The following CARS2 variants were observed in gnomAD, a reference collection of about 807,000 sequenced individuals.
CARS2 encodes probable cysteine--tRNA ligase, mitochondrial.
CARS2 carries 52 observed loss-of-function variants against 68.8 expected under a neutral mutation model. That is an observed-to-expected ratio of 0.76 (90% CI 0.61 to 0.95). The LOEUF is 0.95. Ranked by LOEUF, CARS2 falls within the 40% of genes least tolerant of loss-of-function variation. The probability of loss-of-function intolerance (pLI) is 0.00; values close to 1 mark genes in which losing one functional copy is unlikely to be tolerated. For synonymous variants in CARS2, 314 were observed against 303.6 expected (o/e 1.03, Z -0.36); for missense variants, 780 against 754.2 (o/e 1.03, Z -0.40).
At chr13:110,690,391 A>G (rs2063423577) in intron 3 of CARS2, among the ~76,000 whole-genome samples, 1 of 152,138 alleles carries the variant, frequency 6.6e-6, no homozygotes, top group South Asian at 2.1e-4. Flanking sequence ...CACAAGCATG[A>G]ACGTGGTTAT....
chr13:110,641,507 C>T lies in CARS2; in HGVS notation c.*30G>A, dbSNP rs370408198. The T allele has an allele frequency of 8.8e-5, 138 of 1,572,666 alleles. No individual in the cohort carries two copies. In the Middle Eastern group the frequency reaches 1.0e-3, roughly 11 times the overall value. On this transcript the variant is annotated 3_prime_UTR_variant, in exon 15 of 15. Coordinates refer to ENST00000257347, the MANE Select transcript of CARS2 (RefSeq NM_024537.4). Reference sequence around the variant, plus strand: ...CCTGAGAAGCATGGGTGCGTCTTGTCGTGAGCAGGTTCATGGCTGTGCTCC... The same window carrying T: ...CCTGAGAAGCATGGGTGCGTCTTGTTGTGAGCAGGTTCATGGCTGTGCTCC...
At chr13:110,666,325 C>T (rs1566681496) in intron 8 of CARS2, 1 of 985,378 alleles carries the variant, frequency 1.0e-6, no homozygotes, top group South Asian at 4.7e-5. Flanking sequence ...AGTGCTGAGC[C>T]CTCCCCAGGG....
At chr13:110,706,935 G>A (rs554905485), upstream of CARS2, among the ~76,000 whole-genome samples, 13 of 148,688 alleles carry the variant, frequency 8.7e-5, no homozygotes, top group African/African-American at 3.3e-4. Flanking sequence ...CCAATACACA[G>A]TATGCACCCT....
In CARS2 at chr13:110,670,845, T is replaced by G. The variant is rs929539347; in HGVS notation, c.786-3372A>C. ...AGATTAGACGAATGGCTAACCAGAA[T>G]AAACAGCATAGACAAGACCTTAAAT... On this transcript the variant is annotated intron_variant, in intron 7 of 14. Coordinates refer to ENST00000257347, the MANE Select transcript of CARS2 (RefSeq NM_024537.4). The surrounding 1 kb of genome is among the most constrained non-coding windows in gnomAD (Gnocchi z 4.1). Among the ~76,000 whole-genome samples the G allele has an allele frequency of 2.6e-5, 4 of 152,066 alleles. No homozygotes were observed. The highest frequency in any genetic ancestry group is 9.7e-5 in the African/African-American group (4 of 41,410).
intron 7 of CARS2, among the ~76,000 whole-genome samples, chr13:110,674,116 G>A (rs1218393239): frequency 6.6e-6 from 1 of 152,132 alleles, no homozygotes; most frequent in African/African-American, 2.4e-5. Flanking sequence ...AATCAATATC[G>A]TGAAAATGGC....
intron 3 of CARS2, among the ~76,000 whole-genome samples, chr13:110,690,683 C>T (rs2063433388): frequency 6.6e-6 from 1 of 152,230 alleles, no homozygotes; most frequent in African/African-American, 2.4e-5. Flanking sequence ...TGCCTGTGAG[C>T]TACACTCGTA....
At chr13:110,685,976 C>T (rs1378931963) in intron 5 of CARS2, among the ~76,000 whole-genome samples, 1 of 115,304 alleles carries the variant, frequency 8.7e-6, no homozygotes, top group Non-Finnish European at 1.7e-5. Context: ...TCTACATGTG[C>T]TTACCCAGAA....
intron 12 of CARS2, 142 bp from the exon 13 acceptor site, chr13:110,644,625 GCT>G: frequency 1.4e-6 from 2 of 1,422,468 alleles, no homozygotes; most frequent in Non-Finnish European, 1.9e-6. Flanking sequence ...GGAGGACACA[GCT>G]CTGGCATCGG....
intron 9 of CARS2, among the ~76,000 whole-genome samples, chr13:110,657,980 T>C (rs931605282): frequency 1.4e-4 from 22 of 152,188 alleles, no homozygotes; most frequent in African/African-American, 5.1e-4. Context: ...ACTGACCCTT[T>C]AACCCTCACT....
At chr13:110,692,395 C>T (rs761058811) in intron 3 of CARS2, among the ~76,000 whole-genome samples, 26 of 150,068 alleles carry the variant, frequency 1.7e-4, no homozygotes, top group South Asian at 4.2e-4. Context: ...CGCCTGAACC[C>T]GGGAGGCGGA....
At chr13:110,646,925 C>T (rs1888207751) in intron 11 of CARS2, 176 bp downstream of exon 11, 3 of 719,358 alleles carry the variant, frequency 4.2e-6, no homozygotes, top group Admixed American at 3.0e-5. Context: ...GACCCCACAC[C>T]TGCACCTCCT....
chr13:110,659,162 G>A (rs929202471), intron 9 of CARS2, among the ~76,000 whole-genome samples: 40 of 151,926 alleles, frequency 2.6e-4, no homozygotes, highest in Middle Eastern at 3.4e-3. Context: ...GCACACACAC[G>A]CTCACCACTC....
intron 3 of CARS2, among the ~76,000 whole-genome samples, chr13:110,697,708 C>T (rs917112411): frequency 6.6e-5 from 10 of 152,246 alleles, no homozygotes; most frequent in Non-Finnish European, 1.3e-4. Flanking sequence ...TATAGGATTA[C>T]AGGCGTGAGC....
chr13:110,700,398 G>A (rs1337476835), intron 3 of CARS2, among the ~76,000 whole-genome samples: 1 of 152,204 alleles, frequency 6.6e-6, no homozygotes, highest in African/African-American at 2.4e-5. Context: ...AGGGCTGTGC[G>A]GGCCTCGAGA....
intron 5 of CARS2, 43 bp downstream of exon 5, chr13:110,687,678 C>CAAAAAAAAAAAAAG: frequency 1.3e-6 from 1 of 785,042 alleles, no homozygotes; most frequent in Non-Finnish European, 1.7e-6. Flanking sequence ...AACTCTGTCT[C>CAAAAAAAAAAAAAG]AAAAAAAAAA....
At chr13:110,711,930 G>T (rs781001459) in intron 1 of CARS2, among the ~76,000 whole-genome samples, 1 of 152,236 alleles carries the variant, frequency 6.6e-6, no homozygotes. Flanking sequence ...GGATTACACA[G>T]AATACGTTTT....
chr13:110,677,471 C>T (rs1249286677), intron 6 of CARS2, among the ~76,000 whole-genome samples: 4 of 145,868 alleles, frequency 2.7e-5, no homozygotes, highest in Admixed American at 2.7e-4. Flanking sequence ...GACACGCAGA[C>T]AGTCACCCCA....
At position 110,668,265 on chromosome 13, in the gene CARS2, C is replaced by T. The variant is rs1029557160; in HGVS notation, c.786-792G>A. On this transcript the variant is annotated intron_variant, in intron 7 of 14. Coordinates refer to ENST00000257347, the MANE Select transcript of CARS2 (RefSeq NM_024537.4). This position sits in a 1 kb window ranked among gnomAD's most constrained non-coding sequence, Gnocchi z 4.1. ...CGTTCTAAGACTTTTACATCTTAGC[C>T]GGGCGCGGTGGCTCACGCCTGTAAA... Among the ~76,000 whole-genome samples the T allele has an allele frequency of 2.0e-5, 3 of 152,156 alleles. No homozygotes were observed. Among genetic ancestry groups the T allele is most frequent in the Non-Finnish European group, 4.4e-5 (3 of 68,034 alleles).
At chr13:110,641,662 AG>A in intron 14 of CARS2, 54 bp from the exon 15 acceptor site, 1 of 1,427,084 alleles carries the variant, frequency 7.0e-7, no homozygotes, top group Non-Finnish European at 9.9e-7. Flanking sequence ...CATGTGGCAC[AG>A]GGGGCTGACA....
Sources: gnomAD v4.1 joint callset for allele counts (sites outside exome capture counted in the v4.1 genomes callset) on GRCh38, gnomAD v4.1.1 for gene constraint, Gnocchi (gnomAD v3.1) non-coding constraint, MANE v1.5 for transcripts, NCBI Gene and HGNC (gene_info 2026-07-23, HGNC 2026-07-21) for gene names.